Variants in NXPE2 observed in about 807,000 individuals in gnomAD.
NXPE2 encodes NXPE family member 2.
NXPE2 carries 34 observed loss-of-function variants against 34.4 expected under a neutral mutation model. That is an observed-to-expected ratio of 0.99 (90% CI 0.75 to 1.31). The LOEUF (loss-of-function observed/expected upper bound fraction) is 1.31. Among genes scored for constraint, NXPE2 ranks in the 40% most tolerant of loss-of-function variants. NXPE2 has a pLI of 0.00. For missense variants in NXPE2, 649 were observed against 672.5 expected (o/e 0.97, Z 0.39); for synonymous variants, 235 against 231.3 (o/e 1.02, Z -0.15).
At chr11:114,513,437 T>A in the NXPE2 span, 2 of 284,932 alleles carry the variant, frequency 7.0e-6, no homozygotes, top group East Asian at 1.6e-4. Flanking sequence ...TGAAGAAAGA[T>A]AGGCATCTCT....
At chr11:114,812,253 AG>A in the NXPE2 span, among the ~76,000 whole-genome samples, 5 of 152,214 alleles carry the variant, frequency 3.3e-5, no homozygotes, top group Non-Finnish European at 5.9e-5. Context: ...AGAGCTAGAC[AG>A]GGCCTGACAG....
chr11:114,485,723 T>G, the NXPE2 span, among the ~76,000 whole-genome samples: 2 of 152,068 alleles, frequency 1.3e-5, no homozygotes, highest in Non-Finnish European at 2.9e-5. Flanking sequence ...AGTTTTTAGC[T>G]CCCACAAGTA....
At chr11:114,520,159 C>T in the NXPE2 span, among the ~76,000 whole-genome samples, 1 of 152,080 alleles carries the variant, frequency 6.6e-6, no homozygotes, top group Non-Finnish European at 1.5e-5. Flanking sequence ...AGCAAATTTT[C>T]CATATACAAT....
At chr11:114,574,393 T>C in the NXPE2 span, among the ~76,000 whole-genome samples, 2 of 151,078 alleles carry the variant, frequency 1.3e-5, no homozygotes, top group African/African-American at 4.9e-5. Flanking sequence ...ACAAAAGTAA[T>C]ACAAAAATAA....
the NXPE2 span, among the ~76,000 whole-genome samples, chr11:114,752,734 G>A: frequency 6.6e-6 from 1 of 152,268 alleles, no homozygotes; most frequent in East Asian, 1.9e-4. Context: ...GACTGTGGGA[G>A]TCTGGCAGTT....
At chr11:114,500,597 A>G in the NXPE2 span, among the ~76,000 whole-genome samples, 92 of 152,300 alleles carry the variant, frequency 6.0e-4, no homozygotes, top group African/African-American at 2.2e-3. Context: ...TTTGAAGAAT[A>G]GAAGATCTTA....
chr11:114,640,146 A>G, the NXPE2 span, among the ~76,000 whole-genome samples: 9 of 100,316 alleles, frequency 9.0e-5, no homozygotes, highest in Admixed American at 5.0e-4. Context: ...TATATAATAT[A>G]TGATATATTA....
the NXPE2 span, among the ~76,000 whole-genome samples, chr11:114,649,941 T>C: frequency 1.3e-5 from 2 of 152,192 alleles, no homozygotes; most frequent in African/African-American, 4.8e-5. Flanking sequence ...CAATTGTACA[T>C]TTGAAATGGA....
At chr11:114,553,068 C>T in the NXPE2 span, among the ~76,000 whole-genome samples, 2 of 152,146 alleles carry the variant, frequency 1.3e-5, no homozygotes, top group African/African-American at 4.8e-5. Flanking sequence ...CAACACTGCT[C>T]AATCTCCACC....
chr11:114,527,399 A>G, the NXPE2 span, among the ~76,000 whole-genome samples: 1 of 152,270 alleles, frequency 6.6e-6, no homozygotes, highest in African/African-American at 2.4e-5. Context: ...TTTCATAAGT[A>G]ACAGGGCTTT....
At chr11:114,560,286 T>TA in the NXPE2 span, among the ~76,000 whole-genome samples, 1 of 151,620 alleles carries the variant, frequency 6.6e-6, no homozygotes, top group African/African-American at 2.4e-5. Context: ...TTTTTTTTTT[T>TA]TTTGGACAAG....
At chr11:114,510,251 A>G in the NXPE2 span, among the ~76,000 whole-genome samples, 1 of 152,186 alleles carries the variant, frequency 6.6e-6, no homozygotes, top group Non-Finnish European at 1.5e-5. Flanking sequence ...TATTTGAGAC[A>G]GGGTCTTGCT....
At chr11:114,577,036 TATATAAA>T in the NXPE2 span, among the ~76,000 whole-genome samples, 1 of 30,616 alleles carries the variant, frequency 3.3e-5, no homozygotes, top group African/African-American at 1.6e-4. Context: ...TACATATATA[TATATAAA>T]GTTATATATA....
downstream of NXPE2, among the ~76,000 whole-genome samples, chr11:114,710,775 A>G (rs1249144911): frequency 1.3e-5 from 2 of 152,174 alleles, no homozygotes; most frequent in Non-Finnish European, 2.9e-5. Context: ...TGACACCAAG[A>G]CAAAGACAAG....
chr11:114,771,235 C>G, the NXPE2 span, among the ~76,000 whole-genome samples: 72 of 151,690 alleles, frequency 4.7e-4, no homozygotes, highest in African/African-American at 1.3e-3. Context: ...CTCTCCCTCT[C>G]CACTCCCAGA....
the NXPE2 span, among the ~76,000 whole-genome samples, chr11:114,775,772 G>A: frequency 6.6e-6 from 1 of 151,970 alleles, no homozygotes; most frequent in Admixed American, 6.5e-5. Flanking sequence ...TCTGGCCAGG[G>A]CTTTTGCACT....
At chr11:114,578,096 C>A in the NXPE2 span, among the ~76,000 whole-genome samples, 1 of 152,116 alleles carries the variant, frequency 6.6e-6, no homozygotes, top group South Asian at 2.1e-4. Flanking sequence ...GTAGTTAGAA[C>A]TTTTGAGGAA....
At chr11:114,580,373 A>G in the NXPE2 span, 3 of 1,571,340 alleles carry the variant, frequency 1.9e-6, no homozygotes, top group Non-Finnish European at 2.6e-6. Flanking sequence ...ATCTTCCAAA[A>G]CATCAAATTA....
chr11:114,583,842 C>G, the NXPE2 span: 1 of 393,218 alleles, frequency 2.5e-6, no homozygotes, highest in African/African-American at 2.1e-5. Flanking sequence ...AGGACTGTGT[C>G]CTTTCATAAA....
Sources: gnomAD v4.1 joint callset for allele counts (sites outside exome capture counted in the v4.1 genomes callset) on GRCh38, gnomAD v4.1.1 for gene constraint, MANE v1.5 for transcripts, NCBI Gene and HGNC (gene_info 2026-07-23, HGNC 2026-07-21) for gene names.